The following ANKRD45 variants were observed in gnomAD, a reference collection of about 807,000 sequenced individuals.
ANKRD45 encodes ankyrin repeat domain 45, also known as ankyrin repeat domain-containing protein 45.
A neutral mutation model predicts 28.1 loss-of-function variants in ANKRD45; 21 were observed. The ratio of observed to expected loss-of-function variants is 0.75; its 90% CI spans 0.53 to 1.08. The LOEUF (loss-of-function observed/expected upper bound fraction) is 1.08, where lower values mean the gene tolerates loss of function less well. Among genes scored for constraint, ANKRD45 ranks in the 50% least tolerant of loss-of-function variants. ANKRD45 has a pLI of 0.00. For missense variants in ANKRD45, 261 were observed against 308.7 expected (o/e 0.85, Z 1.16); for synonymous variants, 86 against 103.9 (o/e 0.83, Z 1.05).
Position 173,663,054 on chromosome 1 carries a change from A to AACACACACAC in ANKRD45, c.-15-3631_-15-3622dup, listed in dbSNP as rs60072209. 9.6e-3 allele frequency among the ~76,000 whole-genome samples: 1,346 copies of AACACACACAC among 140,324 alleles called. 23 individuals are homozygous for AACACACACAC. Among genetic ancestry groups the AACACACACAC allele is most frequent in the African/African-American group, 0.032 (1,223 of 38,076 alleles). The allele number at this position is 140,324 out of a possible 152,430, so 92.1% of individuals were successfully genotyped here. A position where few individuals can be genotyped will look rare whatever the true frequency, so the allele number is the denominator to read the frequency against. Reference sequence around the variant, plus strand: ...CTGACATCCAACTCCCCACCCTTCCAACACACACACACACACACACACACA... The same window carrying AACACACACAC: ...CTGACATCCAACTCCCCACCCTTCCAACACACACACACACACACACACACACACACACACA... On this transcript the variant is annotated intron_variant, in intron 1 of 5. Transcript: ENST00000333279.
chr1:173,691,556 T>C, the ANKRD45 span, among the ~76,000 whole-genome samples: 1 of 152,122 alleles, frequency 6.6e-6, no homozygotes, highest in Non-Finnish European at 1.5e-5. Flanking sequence ...GAGGCCAAGA[T>C]GGGTGGATCA....
intron 1 of ANKRD45, among the ~76,000 whole-genome samples, chr1:173,661,531 A>G (rs2102392453): frequency 6.6e-6 from 1 of 152,346 alleles, no homozygotes; most frequent in Non-Finnish European, 1.5e-5. Context: ...AATTAAGGAC[A>G]GTTAGCTGAA....
chr1:173,666,273 G>A (rs1670013192), intron 1 of ANKRD45, among the ~76,000 whole-genome samples: 1 of 152,168 alleles, frequency 6.6e-6, no homozygotes, highest in Non-Finnish European at 1.5e-5. Context: ...TGGCTCTCCT[G>A]GATCTCCAGC....
chr1:173,699,447 A>G, the ANKRD45 span, among the ~76,000 whole-genome samples: 1 of 152,252 alleles, frequency 6.6e-6, no homozygotes, highest in Non-Finnish European at 1.5e-5. Flanking sequence ...AACTGAATCC[A>G]GCAGCACATC....
the ANKRD45 span, among the ~76,000 whole-genome samples, chr1:173,708,879 C>T: frequency 1.3e-5 from 2 of 152,118 alleles, no homozygotes; most frequent in African/African-American, 4.8e-5. Flanking sequence ...GCACTGGGAC[C>T]CCGGTCTTCT....
At chr1:173,690,554 T>C in the ANKRD45 span, among the ~76,000 whole-genome samples, 6 of 152,304 alleles carry the variant, frequency 3.9e-5, no homozygotes, top group Non-Finnish European at 8.8e-5. Context: ...ATCATTAACA[T>C]ATCAGATTAG....
intron 1 of ANKRD45, among the ~76,000 whole-genome samples, chr1:173,665,140 G>A (rs1669953375): frequency 6.6e-6 from 1 of 152,078 alleles, no homozygotes; most frequent in Non-Finnish European, 1.5e-5. Context: ...AGATGGTAAT[G>A]CTACTTATTT....
intron 1 of ANKRD45, among the ~76,000 whole-genome samples, chr1:173,662,828 G>GA (rs1159307151): frequency 6.6e-6 from 1 of 151,896 alleles, no homozygotes; most frequent in African/African-American, 2.4e-5. Flanking sequence ...GGAGAGGGAG[G>GA]AAAAAAAGCA....
intron 5 of ANKRD45, among the ~76,000 whole-genome samples, chr1:173,623,228 G>C (rs372804117): frequency 1.3e-5 from 2 of 151,478 alleles, no homozygotes; most frequent in Non-Finnish European, 1.5e-5. Context: ...CAAGAGAATC[G>C]CTTGAACCCA....
chr1:173,696,127 G>C, the ANKRD45 span, among the ~76,000 whole-genome samples: 9 of 152,192 alleles, frequency 5.9e-5, no homozygotes, highest in Non-Finnish European at 1.0e-4. Flanking sequence ...TATGGCTCAG[G>C]GGGCATGAAG....
the ANKRD45 span, among the ~76,000 whole-genome samples, chr1:173,679,330 T>G: frequency 6.6e-6 from 1 of 152,178 alleles, no homozygotes. Context: ...AACAGCATGG[T>G]ACTGGTACCA....
intron 5 of ANKRD45, among the ~76,000 whole-genome samples, chr1:173,613,208 G>A (rs1430630953): frequency 5.4e-5 from 8 of 148,390 alleles, no homozygotes; most frequent in South Asian, 2.2e-4. Flanking sequence ...CCGCCACCCC[G>A]TCTGGGATGT....
chr1:173,665,415 C>A (rs1352657357), intron 1 of ANKRD45, among the ~76,000 whole-genome samples: 1 of 152,148 alleles, frequency 6.6e-6, no homozygotes, highest in Non-Finnish European at 1.5e-5. Context: ...CTACCACCAC[C>A]AGACACTTGA....
chr1:173,675,604 A>T, the ANKRD45 span, among the ~76,000 whole-genome samples: 1 of 152,104 alleles, frequency 6.6e-6, no homozygotes, highest in Non-Finnish European at 1.5e-5. Context: ...ACAGAGGGAG[A>T]CTCTGTCTCA....
the ANKRD45 span, among the ~76,000 whole-genome samples, chr1:173,696,016 G>A: frequency 6.6e-6 from 1 of 152,102 alleles, no homozygotes; most frequent in Non-Finnish European, 1.5e-5. Context: ...CATTTGCCTT[G>A]TGATATTTTA....
At chr1:173,646,809 ATCAG>A (rs768645668) in intron 3 of ANKRD45, 33 bp downstream of exon 3, 5 of 1,597,908 alleles carry the variant, frequency 3.1e-6, no homozygotes, top group Non-Finnish European at 4.3e-6. Context: ...AACTCATCAC[ATCAG>A]TCAGTTTGCT....
intron 2 of ANKRD45, among the ~76,000 whole-genome samples, chr1:173,648,656 A>G (rs1215091080): frequency 6.6e-6 from 1 of 152,214 alleles, no homozygotes; most frequent in South Asian, 2.1e-4. Context: ...AAGAAATAGA[A>G]TATTTTAGAG....
chr1:173,714,452 C>G, the ANKRD45 span, among the ~76,000 whole-genome samples: 1 of 152,094 alleles, frequency 6.6e-6, no homozygotes, highest in African/African-American at 2.4e-5. Context: ...AGCCTTAGAG[C>G]CTGGATAAAA....
chr1:173,634,330 A>G (rs1276683389), intron 3 of ANKRD45, among the ~76,000 whole-genome samples: 1 of 151,930 alleles, frequency 6.6e-6, no homozygotes. Flanking sequence ...ATTTAGATAG[A>G]TACAATTATT....
Sources: gnomAD v4.1 joint callset for allele counts (sites outside exome capture counted in the v4.1 genomes callset) on GRCh38, gnomAD v4.1.1 for gene constraint, MANE v1.5 for transcripts, NCBI Gene and HGNC (gene_info 2026-07-23, HGNC 2026-07-21) for gene names.